NLRP1: variants seen among roughly 807,000 people sequenced by gnomAD.
The protein encoded by NLRP1 is NLR family pyrin domain containing 1.
NLRP1 carries 94 observed loss-of-function variants against 136.7 expected under a neutral mutation model. The ratio of observed to expected loss-of-function variants is 0.69; its 90% CI spans 0.58 to 0.82. NLRP1 has a LOEUF of 0.82. Ranked by LOEUF, NLRP1 falls within the 40% of genes least tolerant of loss-of-function variation. NLRP1 has a pLI of 0.00. For missense variants in NLRP1, 1,575 were observed against 1,802.7 expected (o/e 0.87, Z 2.29); for synonymous variants, 690 against 725.1 (o/e 0.95, Z 0.78).
rs1171363573 is a variant in NLRP1, at chr17:5,559,771, C to T, written c.925G>A (p.Gly309Arg). The change falls in exon 4 of 17, where the codon GGA becomes AGA. Residue 309 changes from glycine (G) to arginine (R), a missense_variant. By Grantham distance (125) the Gly-to-Arg change is moderately radical. Coordinates refer to ENST00000572272, the MANE Select transcript of NLRP1 (RefSeq NM_033004.4). ...AAGTCTCTGATCTCAATTAAATGTCCTCGATTCTCCTCCACATAATCAGGC... is the reference window on the plus strand; with the variant it reads ...AAGTCTCTGATCTCAATTAAATGTCTTCGATTCTCCTCCACATAATCAGGC... The part of the protein sequence containing the change: ...SWPDYVEENR[G>R]HLIEIRDLFG... 1 of 1,614,236 alleles carries T rather than the reference C, an allele frequency of 6.2e-7. No individual in the cohort carries two copies. Among genetic ancestry groups the T allele is most frequent in the Admixed American group, 1.7e-5 (1 of 60,024 alleles).
At chr17:5,550,543 C>G (rs1913216802) in intron 5 of NLRP1, among the ~76,000 whole-genome samples, 1 of 152,014 alleles carries the variant, frequency 6.6e-6, no homozygotes, top group Non-Finnish European at 1.5e-5. Context: ...TGTGATACCC[C>G]ATCTTTTATT....
At chr17:5,567,036 A>T (rs1178504180) in intron 3 of NLRP1, among the ~76,000 whole-genome samples, 1 of 151,268 alleles carries the variant, frequency 6.6e-6, no homozygotes, top group African/African-American at 2.4e-5. Context: ...CCATCACTTC[A>T]TTTTCTGTTT....
chr17:5,511,781 T>C (rs574371031), downstream of NLRP1, among the ~76,000 whole-genome samples: 6,223 of 147,512 alleles, frequency 0.042, 154 homozygotes, highest in African/African-American at 0.076. Flanking sequence ...CTCTTTCTTC[T>C]TTCTTTCTCT....
chr17:5,556,994 T>C (rs1914166057), intron 4 of NLRP1, among the ~76,000 whole-genome samples: 2 of 152,162 alleles, frequency 1.3e-5, no homozygotes, highest in Non-Finnish European at 2.9e-5. Flanking sequence ...TTTGCTTATC[T>C]ACGTTATCTT....
intron 10 of NLRP1, 100 bp from the exon 11 acceptor site, chr17:5,533,084 C>A: frequency 2.7e-6 from 4 of 1,455,550 alleles, no homozygotes; most frequent in Non-Finnish European, 3.7e-6. Flanking sequence ...GCTGGCCTGC[C>A]TGGACCATGG....
At position 5,522,570 on chromosome 17, in the gene NLRP1, G is replaced by T. The variant is rs112741087; in HGVS notation, c.3521-784C>A. Among the ~76,000 whole-genome samples the T allele has an allele frequency of 6.0e-3, 911 of 152,334 alleles. 11 individuals carry two copies. The highest frequency in any genetic ancestry group is 0.021 in the African/African-American group (870 of 41,572). On this transcript the variant is annotated intron_variant, in intron 12 of 16. Transcript: ENST00000572272. ...TTATGGTATTTTGTTATAGCAGCCT[G>T]AACAGGCTAAGACACCCAGCATGGG...
At chr17:5,574,660 C>CTT (rs1169415443) in intron 3 of NLRP1, among the ~76,000 whole-genome samples, 15 of 134,420 alleles carry the variant, frequency 1.1e-4, no homozygotes, top group South Asian at 2.5e-4. Context: ...ATTCAACATT[C>CTT]TTTTTTTTTT....
At chr17:5,501,628 T>C (rs1164004569) in exon 16 of NLRP1, 19 of 554,598 alleles carry the variant, frequency 3.4e-5, no homozygotes, top group Admixed American at 6.1e-5. Context: ...TTTTCTCTTC[T>C]TGCTCTTCAC....
At chr17:5,563,764 A>G (rs1915014364) in intron 3 of NLRP1, among the ~76,000 whole-genome samples, 2 of 152,340 alleles carry the variant, frequency 1.3e-5, no homozygotes, top group South Asian at 4.1e-4. Context: ...AATTCAGGAA[A>G]TGCAAAGAAT....
Position 5,558,717 on chromosome 17 carries a change from T to C in NLRP1, c.1979A>G (p.Tyr660Cys), listed in dbSNP as rs751432847. ...IIDLEKTLEA[Y>C]GIHGLFGAST... ...TGCCCCAAACAGGCCATGTATTCCA[T>C]ATGCTTCTAGCGTCTTTTCCAAATC... Residue 660 changes from tyrosine (Y) to cysteine (C), a missense_variant, in exon 4 of 17, where the codon TAT (tyrosine) becomes TGT (cysteine). By Grantham distance (194) the Tyr-to-Cys change is radical. Coordinates refer to ENST00000572272, the MANE Select transcript of NLRP1 (RefSeq NM_033004.4). 6.2e-7 allele frequency: 1 copy of C among 1,614,196 alleles called. No individual in the cohort carries two copies. The highest frequency in any genetic ancestry group is 8.5e-7 in the Non-Finnish European group (1 of 1,180,030).
chr17:5,518,610 T>C (rs981192578), intron 14 of NLRP1: 3 of 150,756 alleles, frequency 2.0e-5, no homozygotes, highest in African/African-American at 4.9e-5. Flanking sequence ...GGTTTTTCCA[T>C]GTTGCCCAGG....
intron 5 of NLRP1, among the ~76,000 whole-genome samples, chr17:5,551,993 T>A (rs564659188): frequency 6.6e-6 from 1 of 151,956 alleles, no homozygotes; most frequent in Admixed American, 6.5e-5. Flanking sequence ...CAGGCTGGTC[T>A]CAAACTCCTG....
At chr17:5,519,272 G>A (rs1246869924) in intron 14 of NLRP1, among the ~76,000 whole-genome samples, 1 of 151,956 alleles carries the variant, frequency 6.6e-6, no homozygotes, top group Non-Finnish European at 1.5e-5. Flanking sequence ...AAAGTGCTGG[G>A]ATTACAGGCT....
Position 5,533,349 on chromosome 17 carries a change from T to C in NLRP1, c.3088A>G (p.Lys1030Glu), listed in dbSNP as rs1308564087. 6.9e-7 allele frequency: 1 copy of C among 1,438,872 alleles called. No homozygotes were observed. The highest frequency in any genetic ancestry group is 2.5e-5 in the East Asian group (1 of 40,404). The allele number at this position is 1,438,872 out of a possible 1,614,324, so 89.1% of individuals were successfully genotyped here. A position where few individuals can be genotyped will look rare whatever the true frequency, so the allele number is the denominator to read the frequency against. ...AAGATCTTGCTCACGTCCAGGAGTT[T>C]GAGATTAGCCTGAGCAACATGGGAA... ...AASHVAQANLKLLDVSKIFPI... is the reference protein window; with the variant it reads ...AASHVAQANLELLDVSKIFPI... The change falls in exon 10 of 17, where the codon AAA becomes GAA. Residue 1030 changes from lysine to glutamate, a missense_variant. Coordinates refer to ENST00000572272, the MANE Select transcript of NLRP1 (RefSeq NM_033004.4).
At chr17:5,569,229 T>C (rs867580939) in intron 3 of NLRP1, among the ~76,000 whole-genome samples, 7 of 152,102 alleles carry the variant, frequency 4.6e-5, no homozygotes, top group African/African-American at 1.4e-4. Context: ...GTCTGCAAAA[T>C]AATCAGCTAA....
At chr17:5,515,768 G>T (rs921366840) in intron 15 of NLRP1, among the ~76,000 whole-genome samples, 11 of 152,198 alleles carry the variant, frequency 7.2e-5, no homozygotes, top group African/African-American at 2.4e-4. Flanking sequence ...ACATCCAAAT[G>T]AGCGATAGCA....
intron 11 of NLRP1, among the ~76,000 whole-genome samples, chr17:5,531,092 A>G (rs1910175711): frequency 6.6e-6 from 1 of 152,210 alleles, no homozygotes; most frequent in South Asian, 2.1e-4. Flanking sequence ...GGGCCTATTT[A>G]GCAATAATTA....
At position 5,515,532 on chromosome 17, in the gene NLRP1, A is replaced by G; in HGVS notation, c.4058-15T>C. The G allele has an allele frequency of 6.2e-7, 1 of 1,606,602 alleles. No homozygotes were observed. Among genetic ancestry groups the G allele is most frequent in the Non-Finnish European group, 8.5e-7 (1 of 1,173,332 alleles). Reference sequence around the variant, plus strand: ...CATGAGATCTCCTGGAGGAAAACAGAGATGAAGATGCATCTGAAACAGTGC... The same window carrying G: ...CATGAGATCTCCTGGAGGAAAACAGGGATGAAGATGCATCTGAAACAGTGC... On this transcript the variant is annotated splice_polypyrimidine_tract_variant and intron_variant, in intron 15 of 16. Transcript: ENST00000572272.
intron 3 of NLRP1, among the ~76,000 whole-genome samples, chr17:5,572,195 A>G (rs145029680): frequency 4.9e-4 from 74 of 152,330 alleles, no homozygotes; most frequent in African/African-American, 1.8e-3. Context: ...CCTGGCAAAA[A>G]TTTCATGAGG....
Sources: allele counts gnomAD v4.1 joint callset (sites outside exome capture counted in the v4.1 genomes callset), GRCh38; gene constraint gnomAD v4.1.1; transcripts MANE v1.5; gene names NCBI Gene and HGNC (gene_info 2026-07-23, HGNC 2026-07-21).